Variants in NPIPA8 observed in about 807,000 individuals in gnomAD.
The protein encoded by NPIPA8 is nuclear pore complex-interacting protein family member A8.
NPIPA8 carries 1 observed loss-of-function variant against 7.1 expected under a neutral mutation model. That is an observed-to-expected ratio of 0.14 (90% CI 0.05 to 0.66). NPIPA8 has a LOEUF of 0.66. NPIPA8 is among the 30% of genes least tolerant of loss of function. NPIPA8 has a pLI of 0.84.
chr16:18,336,141 G>T (rs1900176511), upstream of NPIPA8, among the ~76,000 whole-genome samples: 1 of 119,108 alleles, frequency 8.4e-6, no homozygotes, highest in Non-Finnish European at 1.7e-5. Flanking sequence ...GTTTTATATA[G>T]ATGGGGTCTT....
chr16:18,323,935 A>G (rs1471884631), intron 4 of NPIPA8, among the ~76,000 whole-genome samples, 156 bp downstream of exon 6: 3 of 145,006 alleles, frequency 2.1e-5, no homozygotes, highest in African/African-American at 7.4e-5. Context: ...AAGGAATTAT[A>G]CAGCTTAAAC....
chr16:18,336,073 C>T (rs1321594699), upstream of NPIPA8, among the ~76,000 whole-genome samples: 24 of 151,128 alleles, frequency 1.6e-4, no homozygotes, highest in South Asian at 1.7e-3. Flanking sequence ...CTGCCCGCCT[C>T]GGCCTCCCAA....
chr16:18,323,819 G>GAAAAAAAAAAAAAAAAAA (rs1162097124), intron 4 of NPIPA8, among the ~76,000 whole-genome samples: 3 of 33,134 alleles, frequency 9.1e-5, no homozygotes, highest in African/African-American at 1.5e-4. Flanking sequence ...CCCATCTCAG[G>GAAAAAAAAAAAAAAAAAA]AAAAAAAAAA....
intron 4 of NPIPA8, among the ~76,000 whole-genome samples, chr16:18,323,871 T>G (rs1226249732): frequency 9.0e-6 from 1 of 110,584 alleles, no homozygotes; most frequent in African/African-American, 3.0e-5. Context: ...CCAATGCCAG[T>G]ACTAGCAACT....
At position 18,321,084 on chromosome 16, in the gene NPIPA8, C is replaced by A. The variant is rs1168219471; in HGVS notation, c.478G>T (p.Glu160Ter). Reference sequence around the variant, plus strand: ...TCTGCCTCTGACACCTGCCTCTCCTCTTCTCTGTGCTCACGTTCTTTCATG... The same window carrying A: ...TCTGCCTCTGACACCTGCCTCTCCTATTCTCTGTGCTCACGTTCTTTCATG... Residue 160 changes from glutamate (E) to a stop codon, truncating the protein, a stop_gained, in exon 5 of 8, where the codon GAG (glutamate) becomes TAG (stop). Coordinates refer to ENST00000541810, the Ensembl canonical transcript of NPIPA8. LOFTEE classifies it high-confidence loss of function. The A allele has an allele frequency of 1.8e-5, 22 of 1,201,716 alleles. 2 individuals carry two copies. The highest frequency in any genetic ancestry group is 5.3e-5 in the South Asian group (4 of 75,376). The allele number at this position is 1,201,716 out of a possible 1,614,324, so 74.4% of individuals were successfully genotyped here. A position where few individuals can be genotyped will look rare whatever the true frequency, so the allele number is the denominator to read the frequency against.
At chr16:18,325,372 G>T (rs867622631) in intron 2 of NPIPA8, among the ~76,000 whole-genome samples, 2 of 4,414 alleles carry the variant, frequency 4.5e-4, no homozygotes, top group Non-Finnish European at 9.7e-4. Context: ...GAGGCAGAGG[G>T]TGCAGTGAGC....
upstream of NPIPA8, among the ~76,000 whole-genome samples, chr16:18,335,566 C>G (rs1421930385): frequency 9.0e-6 from 1 of 110,846 alleles, no homozygotes; most frequent in East Asian, 2.1e-4. Flanking sequence ...GCCACGGACT[C>G]GGGAGCAACC....
intron 4 of NPIPA8, among the ~76,000 whole-genome samples, chr16:18,323,847 A>AAAAAAAAAAAAAAAAAAAAAAG (rs750129798): frequency 5.5e-5 from 5 of 91,640 alleles, no homozygotes; most frequent in South Asian, 3.7e-4. Flanking sequence ...AAAAAAAAAA[A>AAAAAAAAAAAAAAAAAAAAAAG]AGAGAAAGGA....
chr16:18,323,847 A>AGAG (rs1555461893), intron 4 of NPIPA8, among the ~76,000 whole-genome samples: 54 of 91,600 alleles, frequency 5.9e-4, no homozygotes, highest in African/African-American at 1.8e-3. Flanking sequence ...AAAAAAAAAA[A>AGAG]AGAGAAAGGA....
At chr16:18,335,955 G>A (rs1014231090), upstream of NPIPA8, among the ~76,000 whole-genome samples, 4 of 150,824 alleles carry the variant, frequency 2.7e-5, no homozygotes, top group African/African-American at 9.9e-5. Context: ...CGAGTAGCTG[G>A]GACTACAGGC....
Position 18,323,847 on chromosome 16 carries a change from A to AAAAAAAAAAAAAAAAAAAAG in NPIPA8, c.437+243_437+244insCTTTTTTTTTTTTTTTTTTT, listed in dbSNP as rs750129798. The stretch of plus-strand genomic sequence containing the variant: ...AAAAAAAAAAAAAAAAAAAAAAAAA[A>AAAAAAAAAAAAAAAAAAAAG]AGAGAAAGGAAAACCAATGCCAGTA... On this transcript the variant is annotated intron_variant, in intron 4 of 7. Transcript: ENST00000541810. Among the ~76,000 whole-genome samples, 45 of 91,594 alleles carry AAAAAAAAAAAAAAAAAAAAG rather than the reference A, an allele frequency of 4.9e-4. 5 individuals carry two copies. Among genetic ancestry groups the AAAAAAAAAAAAAAAAAAAAG allele is most frequent in the East Asian group, 1.0e-3 (3 of 2,858 alleles). The allele number at this position is 91,594 out of a possible 152,430, so 60.1% of individuals were successfully genotyped here. A position where few individuals can be genotyped will look rare whatever the true frequency, so the allele number is the denominator to read the frequency against.
chr16:18,336,086 T>C (rs1159744566), upstream of NPIPA8, among the ~76,000 whole-genome samples: 4 of 150,438 alleles, frequency 2.7e-5, no homozygotes, highest in Admixed American at 2.6e-4. Flanking sequence ...CCTCCCAAAG[T>C]GTTGGGATTA....
chr16:18,325,177 C>A (rs1900107092), intron 2 of NPIPA8, among the ~76,000 whole-genome samples: 1 of 77,590 alleles, frequency 1.3e-5, no homozygotes. Context: ...TAGCTCACGC[C>A]TGTAATCCCA....
chr16:18,325,153 T>C (rs1225110154), intron 2 of NPIPA8, among the ~76,000 whole-genome samples: 1 of 70,814 alleles, frequency 1.4e-5, no homozygotes, highest in Non-Finnish European at 2.9e-5. Flanking sequence ...AAAAAAAAAA[T>C]AGGCCAGGTG....
At chr16:18,334,896 G>A (rs1596810878), upstream of NPIPA8, 4 of 1,664 alleles carry the variant, frequency 2.4e-3, no homozygotes, top group East Asian at 0.022. Context: ...TGTCCAGCAC[G>A]GACGAGTCCA....
chr16:18,336,124 T>C (rs1900176261), upstream of NPIPA8, among the ~76,000 whole-genome samples: 1 of 136,400 alleles, frequency 7.3e-6, no homozygotes, highest in South Asian at 2.4e-4. Context: ...GCCTGGCCCT[T>C]TTTAATGTTT....
upstream of NPIPA8, among the ~76,000 whole-genome samples, chr16:18,335,859 T>C (rs1026607011): frequency 7.6e-6 from 1 of 130,762 alleles, no homozygotes; most frequent in Non-Finnish European, 1.6e-5. Context: ...CTTGCTCCAT[T>C]GCCCAGGATG....
At chr16:18,323,819 G>GAAAAAAAAAAAAA (rs1162097124) in intron 4 of NPIPA8, among the ~76,000 whole-genome samples, 1 of 33,136 alleles carries the variant, frequency 3.0e-5, no homozygotes, top group African/African-American at 7.7e-5. Context: ...CCCATCTCAG[G>GAAAAAAAAAAAAA]AAAAAAAAAA....
upstream of NPIPA8, among the ~76,000 whole-genome samples, chr16:18,335,889 C>T (rs1309698311): frequency 7.1e-4 from 100 of 140,830 alleles, no homozygotes; most frequent in Middle Eastern, 3.7e-3. Flanking sequence ...GGCGCAATCT[C>T]GGCTCACTGC....
Sources: gnomAD v4.1 joint callset for allele counts (sites outside exome capture counted in the v4.1 genomes callset) on GRCh38, gnomAD v4.1.1 for gene constraint, MANE v1.5 for transcripts, NCBI Gene and HGNC (gene_info 2026-07-23, HGNC 2026-07-21) for gene names.